ZRANB3: variants seen among roughly 807,000 people sequenced by gnomAD.
The protein encoded by ZRANB3 is zinc finger RANBP2-type containing 3, also known as DNA annealing helicase and endonuclease ZRANB3.
In ZRANB3, 125 loss-of-function variants were observed where a neutral mutation model predicts 133.8. The observed-to-expected ratio is 0.93, with a 90% CI of 0.81 to 1.08. The LOEUF is 1.08. Among genes scored for constraint, ZRANB3 ranks in the 50% least tolerant of loss-of-function variants. The pLI, the probability that ZRANB3 is intolerant of heterozygous loss-of-function variation, is 0.00. For missense variants in ZRANB3, 1,229 were observed against 1,275.5 expected (o/e 0.96, Z 0.56); for synonymous variants, 387 against 432.7 (o/e 0.89, Z 1.31).
intron 12 of ZRANB3, among the ~76,000 whole-genome samples, chr2:135,246,007 ATTTCT>A (rs1297437366): frequency 6.4e-4 from 86 of 135,038 alleles, no homozygotes; most frequent in Admixed American, 1.0e-3. Flanking sequence ...GAATAGCTCC[ATTTCT>A]TTTCTTTTCT....
chr2:135,278,232 C>T (rs902111650), intron 8 of ZRANB3, among the ~76,000 whole-genome samples: 3 of 151,796 alleles, frequency 2.0e-5, no homozygotes, highest in Non-Finnish European at 2.9e-5. Flanking sequence ...TCCAGAAAAG[C>T]GAAGAAAAGA....
intron 8 of ZRANB3, among the ~76,000 whole-genome samples, chr2:135,279,612 G>A (rs374633405): frequency 7.9e-5 from 12 of 151,932 alleles, no homozygotes; most frequent in South Asian, 2.1e-4. Context: ...CTCTAGTCTC[G>A]GATGGATTCC....
chr2:135,365,630 G>A (rs1216462487), intron 3 of ZRANB3, among the ~76,000 whole-genome samples: 1 of 152,180 alleles, frequency 6.6e-6, no homozygotes, highest in East Asian at 1.9e-4. Context: ...ACAAAAGGGT[G>A]TTTCAAAACA....
chr2:135,219,311 G>C (rs1281657186), intron 15 of ZRANB3, 133 bp from the exon 16 acceptor site: 1 of 605,538 alleles, frequency 1.7e-6, no homozygotes, highest in Non-Finnish European at 2.7e-6. Flanking sequence ...ACACATTCTA[G>C]ACAAGGGTCC....
rs540388524 is a variant in ZRANB3, at chr2:135,484,782, C to T, written c.161+19547G>A. On this transcript the variant is annotated intron_variant, in intron 2 of 20. Transcript: ENST00000264159. The stretch of plus-strand genomic sequence containing the variant: ...ATTACAGTGGCTCACACCTGTAATC[C>T]CAGCACTTTGGGAGGCCAAAGTGGG... 2.6e-5 allele frequency among the ~76,000 whole-genome samples: 4 copies of T among 151,094 alleles called. No individual in the cohort carries two copies. In the East Asian group the frequency reaches 5.8e-4, roughly 22 times the overall value.
intron 12 of ZRANB3, among the ~76,000 whole-genome samples, chr2:135,232,312 C>A (rs1193343325): frequency 6.6e-6 from 1 of 152,198 alleles, no homozygotes; most frequent in Non-Finnish European, 1.5e-5. Flanking sequence ...CTGGGTGGAG[C>A]CCACCACAGC....
At chr2:135,243,190 C>A (rs1695622883) in intron 12 of ZRANB3, among the ~76,000 whole-genome samples, 1 of 152,184 alleles carries the variant, frequency 6.6e-6, no homozygotes, top group South Asian at 2.1e-4. Context: ...ACAGATGACA[C>A]AATGTTAGCT....
intron 8 of ZRANB3, among the ~76,000 whole-genome samples, chr2:135,293,357 A>G (rs1479246519): frequency 6.6e-6 from 1 of 151,934 alleles, no homozygotes; most frequent in Non-Finnish European, 1.5e-5. Context: ...CTTTGAAGCA[A>G]TTGTGAATGG....
At chr2:135,235,230 G>A (rs1228310410) in intron 12 of ZRANB3, among the ~76,000 whole-genome samples, 12 of 152,114 alleles carry the variant, frequency 7.9e-5, no homozygotes, top group East Asian at 5.8e-4. Context: ...TCCCAAGACT[G>A]AACCAGGAAG....
intron 6 of ZRANB3, among the ~76,000 whole-genome samples, chr2:135,337,947 T>A (rs529092649): frequency 1.0e-3 from 152 of 152,322 alleles, no homozygotes; most frequent in Non-Finnish European, 1.5e-3. Context: ...AACTTTGAGC[T>A]GGGAAAGATT....
intron 12 of ZRANB3, among the ~76,000 whole-genome samples, chr2:135,264,194 C>T (rs1461411516): frequency 1.3e-5 from 2 of 150,694 alleles, no homozygotes; most frequent in East Asian, 3.9e-4. Context: ...CATTTCAGGC[C>T]GGGCGCGGTG....
At chr2:135,292,214 A>C (rs1220209278) in intron 8 of ZRANB3, among the ~76,000 whole-genome samples, 2 of 152,210 alleles carry the variant, frequency 1.3e-5, no homozygotes, top group East Asian at 3.8e-4. Context: ...TCCCACCAAC[A>C]GTGTAAAAGT....
At chr2:135,380,742 C>T (rs965893295) in intron 3 of ZRANB3, among the ~76,000 whole-genome samples, 2 of 152,158 alleles carry the variant, frequency 1.3e-5, no homozygotes, top group East Asian at 1.9e-4. Context: ...GCTAACATCA[C>T]AAGCAAAAGA....
At chr2:135,366,783 C>T (rs1179435743) in intron 3 of ZRANB3, among the ~76,000 whole-genome samples, 1 of 151,928 alleles carries the variant, frequency 6.6e-6, no homozygotes, top group Admixed American at 6.6e-5. Flanking sequence ...CTTTGGGAGA[C>T]CGAGGTGGGT....
At position 135,504,070 on chromosome 2, in the gene ZRANB3, T is replaced by C. The variant is rs181437546; in HGVS notation, c.161+259A>G. ...AATACATTCTAGAAAACTGTCAATA[T>C]ATGAGTTGCTGAGAGTATCTGATAA... On this transcript the variant is annotated intron_variant, in intron 2 of 20. Coordinates refer to ENST00000264159, the MANE Select transcript of ZRANB3 (RefSeq NM_032143.4). 3.6e-4 allele frequency: 172 copies of C among 473,334 alleles called. 1 individual carries two copies. The highest frequency in any genetic ancestry group is 3.0e-3 in the African/African-American group (151 of 50,858). 29.3% of individuals were successfully genotyped at this position (473,334 alleles called of 1,614,324 possible). A position where few individuals can be genotyped will look rare whatever the true frequency, so the allele number is the denominator to read the frequency against.
In ZRANB3 at chr2:135,206,020, A is replaced by C. The variant is rs75656544; in HGVS notation, c.3009+1414T>G. On this transcript the variant is annotated intron_variant, in intron 19 of 20. Transcript: ENST00000264159. ...CTAGATCTTACAATTCTTACTGAGAAAATTGGGGGAACAGAAGAACATGTC... is the reference window on the plus strand; with the variant it reads ...CTAGATCTTACAATTCTTACTGAGACAATTGGGGGAACAGAAGAACATGTC... 7.1e-3 allele frequency among the ~76,000 whole-genome samples: 1,074 copies of C among 152,310 alleles called. 12 individuals carry two copies. The highest frequency in any genetic ancestry group is 0.024 in the African/African-American group (1,007 of 41,554).
intron 2 of ZRANB3, among the ~76,000 whole-genome samples, chr2:135,445,406 G>A (rs7573342): frequency 0.1 from 15,881 of 151,730 alleles, 1,095 homozygotes; most frequent in South Asian, 0.32. Flanking sequence ...ATGGCTCACT[G>A]CACTCCAGCC....
At position 135,423,470 on chromosome 2, in the gene ZRANB3, T is replaced by G. The variant is rs181856413; in HGVS notation, c.162-32650A>C. Reference sequence around the variant, plus strand: ...AAAAAATAAAAAATAAATTTCTCCTTGTAAAACCACCAGTCACTGGATTTA... The same window carrying G: ...AAAAAATAAAAAATAAATTTCTCCTGGTAAAACCACCAGTCACTGGATTTA... On this transcript the variant is annotated intron_variant, in intron 2 of 20. Coordinates refer to ENST00000264159, the MANE Select transcript of ZRANB3 (RefSeq NM_032143.4). Among the ~76,000 whole-genome samples the G allele has an allele frequency of 2.0e-5, 3 of 152,308 alleles. No individual in the cohort carries two copies. In the East Asian group the frequency reaches 5.8e-4, roughly 29 times the overall value.
At chr2:135,350,260 C>T (rs1343727697) in intron 4 of ZRANB3, 45 bp from the exon 5 acceptor site, 8 of 1,407,962 alleles carry the variant, frequency 5.7e-6, no homozygotes, top group African/African-American at 4.3e-5. Flanking sequence ...TCAGTAATGA[C>T]GTTATCATGA....
Sources: gnomAD v4.1 joint callset for allele counts (sites outside exome capture counted in the v4.1 genomes callset) on GRCh38, gnomAD v4.1.1 for gene constraint, MANE v1.5 for transcripts, NCBI Gene and HGNC (gene_info 2026-07-23, HGNC 2026-07-21) for gene names.